BCL2: variants seen among roughly 807,000 people sequenced by gnomAD.
The protein encoded by BCL2 is BCL2 apoptosis regulator, also known as apoptosis regulator Bcl-2.
In BCL2, 1 loss-of-function variant was observed where a neutral mutation model predicts 14.2. That is an observed-to-expected ratio of 0.07 (90% confidence interval 0.02 to 0.33). The LOEUF (loss-of-function observed/expected upper bound fraction) is 0.33, where lower values mean the gene tolerates loss of function less well. BCL2 is among the 10% of genes least tolerant of loss of function. The probability of loss-of-function intolerance (pLI) is 0.99; values close to 1 mark genes in which losing one functional copy is unlikely to be tolerated. For synonymous variants in BCL2, 151 were observed against 137.2 expected, an observed-to-expected ratio of 1.10 and a Z score of -0.70; for missense variants, 247 against 305.9, an observed-to-expected ratio of 0.81 and a Z score of 1.44.
chr18:63,237,648 C>A (rs1910878667), intron 2 of BCL2, among the ~76,000 whole-genome samples: 1 of 152,194 alleles, frequency 6.6e-6, no homozygotes, highest in Non-Finnish European at 1.5e-5. Flanking sequence ...CCTCCTCACA[C>A]CTTTCCTTGT....
chr18:63,262,089 A>C (rs1463567042), intron 2 of BCL2, among the ~76,000 whole-genome samples: 1 of 145,112 alleles, frequency 6.9e-6, no homozygotes, highest in Non-Finnish European at 1.5e-5. Context: ...CAATTTTTTT[A>C]TATTTTTAGT....
In BCL2 at chr18:63,218,922, T is replaced by C. The variant is rs79809360; in HGVS notation, c.586-90163A>G. Among the ~76,000 whole-genome samples, 551 of 152,116 alleles carry C rather than the reference T, an allele frequency of 3.6e-3. 2 individuals are homozygous for C. Among genetic ancestry groups the C allele is most frequent in the Non-Finnish European group, 6.2e-3 (419 of 67,996 alleles). ...AATCTCATTTCTGGCTCCTTTTTCT[T>C]CTCCTGCCTTTATATCTCTCCTGAA... On this transcript the variant is annotated intron_variant, in intron 2 of 2. Transcript: ENST00000333681.
rs1013207043 is a variant in BCL2, at chr18:63,126,446, G to T, written c.*2179C>A. 8 of 227,230 alleles carry T rather than the reference G, an allele frequency of 3.5e-5. No individual in the cohort carries two copies. Among genetic ancestry groups the T allele is most frequent in the Admixed American group, 5.7e-5 (1 of 17,590 alleles). The allele number at this position is 227,230 out of a possible 1,614,324, so 14.1% of individuals were successfully genotyped here. The stretch of plus-strand genomic sequence containing the variant: ...TTGCCATCTGGATTTTTAACTGAAT[G>T]AATCTCATGGGTTTAACCAAACATG... On this transcript the variant is annotated 3_prime_UTR_variant, in exon 3 of 3. Coordinates refer to ENST00000333681, the MANE Select transcript of BCL2 (RefSeq NM_000633.3).
chr18:63,312,110 G>A (rs938941247), intron 2 of BCL2, among the ~76,000 whole-genome samples: 4 of 152,216 alleles, frequency 2.6e-5, no homozygotes, highest in Non-Finnish European at 5.9e-5. Flanking sequence ...GCAAGTTTGG[G>A]GTGAGGGTTA....
intron 2 of BCL2, among the ~76,000 whole-genome samples, chr18:63,276,885 A>G (rs1182801623): frequency 1.3e-5 from 2 of 152,176 alleles, no homozygotes; most frequent in Non-Finnish European, 2.9e-5. Context: ...AAGGCATTGT[A>G]TGGATGGTTT....
In BCL2 at chr18:63,318,475, G is replaced by A. The variant is rs2144324649; in HGVS notation, c.192C>T (p.Asp64=). The change falls in exon 2 of 3, where the codon GAC becomes GAT. Residue 64 remains aspartate, a synonymous_variant. Coordinates refer to ENST00000333681, the MANE Select transcript of BCL2 (RefSeq NM_000633.3). This position sits in a 1 kb window ranked among gnomAD's most constrained non-coding sequence, Gnocchi z 7.4. ...GCAGCGGCGAGGTCCTGGCGACCGG[G>A]TCCCGGGATGCGGCTGGATGGGGCG... The part of the protein sequence containing the change: ...GHTPHPAASR[D]PVARTSPLQT... The A allele has an allele frequency of 6.8e-7, 1 of 1,479,452 alleles. No individual in the cohort carries two copies. The highest frequency in any genetic ancestry group is 8.9e-7 in the Non-Finnish European group (1 of 1,126,598). The allele number at this position is 1,479,452 out of a possible 1,614,324, so 91.6% of individuals were successfully genotyped here.
intron 2 of BCL2, among the ~76,000 whole-genome samples, chr18:63,239,608 T>C (rs1243720138): frequency 1.3e-5 from 2 of 152,062 alleles, no homozygotes; most frequent in Non-Finnish European, 2.9e-5. Context: ...GGCATGGCAA[T>C]GCATGCCTGT....
chr18:63,308,520 C>T (rs1433888026), intron 2 of BCL2, among the ~76,000 whole-genome samples: 1 of 152,184 alleles, frequency 6.6e-6, no homozygotes, highest in Non-Finnish European at 1.5e-5. Context: ...TGTGTGTCTA[C>T]AACCTTCGTA....
intron 2 of BCL2, among the ~76,000 whole-genome samples, chr18:63,282,576 G>A (rs1414317873): frequency 6.6e-6 from 1 of 152,038 alleles, no homozygotes; most frequent in Admixed American, 6.6e-5. Flanking sequence ...TATTTTCAAG[G>A]TCAGCTTTAA....
chr18:63,309,423 A>G (rs1913238339), intron 2 of BCL2, among the ~76,000 whole-genome samples: 1 of 152,238 alleles, frequency 6.6e-6, no homozygotes, highest in Non-Finnish European at 1.5e-5. Flanking sequence ...AACTGTTGTT[A>G]TCTTTCCTTT....
Position 63,128,712 on chromosome 18 carries a change from A to G in BCL2, c.633T>C (p.Asp211=). Residue 211 remains aspartate, a synonymous_variant, in exon 3 of 3, where the codon GAT becomes GAC. Transcript: ENST00000333681. ...GAGTCTTCAGAGACAGCCAGGAGAAATCAAACAGAGGCCGCATGCTGGGGC... is the reference window on the plus strand; with the variant it reads ...GAGTCTTCAGAGACAGCCAGGAGAAGTCAAACAGAGGCCGCATGCTGGGGC... ...LYGPSMRPLF[D]FSWLSLKTLL... The G allele has an allele frequency of 3.8e-6, 3 of 781,016 alleles. No individual in the cohort carries two copies. Among genetic ancestry groups the G allele is most frequent in the Non-Finnish European group, 7.2e-6 (3 of 418,090 alleles). 48.4% of individuals were successfully genotyped at this position (781,016 alleles called of 1,614,324 possible). A position where few individuals can be genotyped will look rare whatever the true frequency, so the allele number is the denominator to read the frequency against.
chr18:63,190,652 A>G (rs537226319), intron 2 of BCL2, among the ~76,000 whole-genome samples: 5 of 152,216 alleles, frequency 3.3e-5, no homozygotes, highest in Non-Finnish European at 5.9e-5. Flanking sequence ...CCTAGAAACC[A>G]TGGGCCTGCC....
chr18:63,229,801 A>G (rs1185909034), intron 2 of BCL2, among the ~76,000 whole-genome samples: 1 of 152,006 alleles, frequency 6.6e-6, no homozygotes, highest in Non-Finnish European at 1.5e-5. Context: ...TTCTTGGCCT[A>G]CTCCTGTTCA....
At chr18:63,213,329 G>A (rs7243091) in intron 2 of BCL2, among the ~76,000 whole-genome samples, 33,228 of 151,928 alleles carry the variant, frequency 0.22, 3,717 homozygotes, top group Middle Eastern at 0.27. Flanking sequence ...TGTCAAAATC[G>A]CCTGAATTCA....
rs373870687 is a variant in BCL2 at position 63,309,020 on chromosome 18, A to G, written c.585+9062T>C. ...GTCACACATAGAGGATACTATTAGGATATTTGGAACAATACTAATTTGACT... is the reference window on the plus strand; with the variant it reads ...GTCACACATAGAGGATACTATTAGGGTATTTGGAACAATACTAATTTGACT... On this transcript the variant is annotated intron_variant, in intron 2 of 2. Coordinates refer to ENST00000333681, the MANE Select transcript of BCL2 (RefSeq NM_000633.3). 1.5e-4 allele frequency among the ~76,000 whole-genome samples: 23 copies of G among 152,188 alleles called. No individual in the cohort carries two copies. The East Asian group carries it at 1.7e-3, about 11-fold the overall frequency.
chr18:63,275,892 C>T lies in BCL2; in HGVS notation c.585+42190G>A, dbSNP rs146832546. On this transcript the variant is annotated intron_variant, in intron 2 of 2. Transcript: ENST00000333681. ...GGCTTAACTTACTAATTTCTTCTAA[C>T]CACTTTGCAAGAATCTGTTATTTAT... 6.6e-3 allele frequency among the ~76,000 whole-genome samples: 1,011 copies of T among 152,352 alleles called. 19 individuals carry two copies. The highest frequency in any genetic ancestry group is 9.3e-3 in the Non-Finnish European group (636 of 68,036).
At chr18:63,148,420 T>C (rs1354404941) in intron 2 of BCL2, among the ~76,000 whole-genome samples, 1 of 152,124 alleles carries the variant, frequency 6.6e-6, no homozygotes, top group Non-Finnish European at 1.5e-5. Context: ...CAGATGAAAA[T>C]CTAATTTAAA....
At chr18:63,158,539 AG>A (rs1044967237) in intron 2 of BCL2, among the ~76,000 whole-genome samples, 6 of 151,988 alleles carry the variant, frequency 3.9e-5, no homozygotes, top group African/African-American at 1.5e-4. Context: ...CTTCCTCCAG[AG>A]GCCCCCCACG....
chr18:63,174,487 G>C (rs1915302441), intron 2 of BCL2, among the ~76,000 whole-genome samples: 1 of 151,846 alleles, frequency 6.6e-6, no homozygotes, highest in Admixed American at 6.6e-5. Flanking sequence ...TCTTTTCTGA[G>C]ACCCAAGTAA....
Sources: allele counts gnomAD v4.1 joint callset (sites outside exome capture counted in the v4.1 genomes callset), GRCh38; gene constraint gnomAD v4.1.1; non-coding constraint Gnocchi (gnomAD v3.1); transcripts MANE v1.5; gene names NCBI Gene and HGNC (gene_info 2026-07-23, HGNC 2026-07-21).